Variants in RGS5 observed in about 807,000 individuals in gnomAD.
RGS5 encodes the protein regulator of G-protein signalling 5.
A neutral mutation model predicts 18.9 loss-of-function variants in RGS5; 20 were observed. That is an observed-to-expected ratio of 1.06 (90% confidence interval 0.74 to 1.54). The LOEUF is 1.54. Ranked by LOEUF, RGS5 falls within the 40% of genes most tolerant of loss-of-function variation. The pLI is 0.00. For synonymous variants in RGS5, 57 were observed against 76.2 expected (o/e 0.75, Z 1.31); for missense variants, 201 against 211.8 (o/e 0.95, Z 0.32).
chr1:163,209,067 G>A (rs1660036719), intron 1 of RGS5, among the ~76,000 whole-genome samples: 1 of 152,076 alleles, frequency 6.6e-6, no homozygotes, highest in Non-Finnish European at 1.5e-5. Flanking sequence ...GTCCAATTAA[G>A]TAGAAATATT....
intron 2 of RGS5, chr1:163,244,781 TTCA>T (rs1647884232): frequency 6.6e-6 from 1 of 152,150 alleles, no homozygotes. Flanking sequence ...CACAGAATCA[TTCA>T]GAAGGTTTAA....
intron 1 of RGS5, among the ~76,000 whole-genome samples, chr1:163,313,202 TA>T (rs1229327798): frequency 6.6e-6 from 1 of 152,202 alleles, no homozygotes; most frequent in African/African-American, 2.4e-5. Context: ...ATTATGTTAT[TA>T]TAAATTCCTC....
At chr1:163,318,464 T>C (rs982843329) in intron 1 of RGS5, among the ~76,000 whole-genome samples, 1 of 151,222 alleles carries the variant, frequency 6.6e-6, no homozygotes, top group African/African-American at 2.4e-5. Flanking sequence ...GAATTGGGAG[T>C]ACAAATGAAA....
intron 2 of RGS5, among the ~76,000 whole-genome samples, chr1:163,278,080 A>G (rs1211204534): frequency 6.6e-6 from 1 of 152,004 alleles, no homozygotes; most frequent in Non-Finnish European, 1.5e-5. Context: ...ATGGAAAAGG[A>G]CATAGAAAAC....
rs540023462 is a variant in RGS5 at position 163,188,626 on chromosome 1, A to G, written c.44+14166T>C. ...GTAAAACAGGATCCAGAGACACAGGAGGTTATTCCTGAGGGAAGAGGCAAC... is the reference window on the plus strand; with the variant it reads ...GTAAAACAGGATCCAGAGACACAGGGGGTTATTCCTGAGGGAAGAGGCAAC... On this transcript the variant is annotated intron_variant, in intron 1 of 4. Transcript: ENST00000313961. Among the ~76,000 whole-genome samples the G allele has an allele frequency of 9.2e-5, 14 of 152,264 alleles. No homozygotes were observed. The East Asian group carries it at 2.7e-3, about 29-fold the overall frequency.
intron 2 of RGS5, chr1:163,306,091 T>C (rs1649691036): frequency 6.6e-6 from 1 of 152,244 alleles, no homozygotes; most frequent in Non-Finnish European, 1.5e-5. Context: ...TACATTTTAA[T>C]CATTTCTACA....
intron 1 of RGS5, among the ~76,000 whole-genome samples, chr1:163,184,816 G>A (rs745986031): frequency 6.6e-6 from 1 of 152,140 alleles, no homozygotes; most frequent in Non-Finnish European, 1.5e-5. Context: ...AGAACCTCCA[G>A]GAGGAATGCA....
At chr1:163,201,787 C>T (rs1228334834) in intron 1 of RGS5, among the ~76,000 whole-genome samples, 1 of 152,100 alleles carries the variant, frequency 6.6e-6, no homozygotes, top group African/African-American at 2.4e-5. Flanking sequence ...GCCCTTTAAA[C>T]AATAAAATCT....
chr1:163,147,819 A>G (rs905297198), intron 4 of RGS5, among the ~76,000 whole-genome samples: 8 of 151,872 alleles, frequency 5.3e-5, no homozygotes, highest in Non-Finnish European at 7.4e-5. Context: ...TTATATGCAG[A>G]AGGTTAAGTG....
intron 1 of RGS5, among the ~76,000 whole-genome samples, chr1:163,187,956 C>T (rs939103846): frequency 6.6e-6 from 1 of 151,914 alleles, no homozygotes; most frequent in African/African-American, 2.4e-5. Context: ...TAGATAGTGC[C>T]GGAATTGAAC....
chr1:163,150,466 G>A (rs12060357), intron 4 of RGS5, among the ~76,000 whole-genome samples: 29,522 of 151,956 alleles, frequency 0.19, 4,520 homozygotes, highest in African/African-American at 0.43. Flanking sequence ...CCTTTGAAAT[G>A]GGGAAATACA....
At position 163,288,331 on chromosome 1, in the gene RGS5, T is replaced by C. The variant is rs142831607; in HGVS notation, c.-281+17902A>G. 7.0e-4 allele frequency among the ~76,000 whole-genome samples: 106 copies of C among 152,260 alleles called. 1 individual carries two copies. In the East Asian group the frequency reaches 0.019, roughly 27 times the overall value. ...AGAGTTTAAGACAAAGTTTTGACAA[T>C]GTGGTATACTGGAAAGAGCTCTGGA... On this transcript the variant is annotated intron_variant, in intron 2 of 5. Coordinates refer to the RGS5 transcript ENST00000618415.
chr1:163,288,443 A>G (rs1369090078), intron 2 of RGS5, among the ~76,000 whole-genome samples: 2 of 152,208 alleles, frequency 1.3e-5, no homozygotes. Flanking sequence ...ACATGCCCCT[A>G]TGATCAAATC....
intron 2 of RGS5, among the ~76,000 whole-genome samples, chr1:163,272,984 T>C (rs1404076870): frequency 2.0e-5 from 3 of 152,090 alleles, no homozygotes; most frequent in African/African-American, 7.2e-5. Flanking sequence ...CTTTTTTGAA[T>C]CATGAGGGGT....
chr1:163,304,731 T>C (rs1649649875), intron 2 of RGS5: 1 of 152,236 alleles, frequency 6.6e-6, no homozygotes, highest in South Asian at 2.1e-4. Flanking sequence ...AAGTGTTTTG[T>C]TAACTTGATT....
intron 1 of RGS5, among the ~76,000 whole-genome samples, chr1:163,310,320 CTCACG>C (rs1649819774): frequency 6.6e-6 from 1 of 152,170 alleles, no homozygotes; most frequent in Non-Finnish European, 1.5e-5. Flanking sequence ...GGTGCGGTGG[CTCACG>C]CCTGTAATCC....
chr1:163,314,513 C>G (rs1473095390), intron 1 of RGS5, among the ~76,000 whole-genome samples: 1 of 152,000 alleles, frequency 6.6e-6, no homozygotes, highest in Non-Finnish European at 1.5e-5. Flanking sequence ...GATAACATGG[C>G]ACCAGAACTG....
intron 2 of RGS5, among the ~76,000 whole-genome samples, chr1:163,285,478 G>A (rs1425919954): frequency 2.0e-5 from 3 of 151,982 alleles, no homozygotes; most frequent in Admixed American, 2.0e-4. Context: ...GAACCCTGGA[G>A]GTGGAGACTG....
At chr1:163,170,847 A>AT (rs1658267806) in intron 1 of RGS5, among the ~76,000 whole-genome samples, 1 of 152,200 alleles carries the variant, frequency 6.6e-6, no homozygotes, top group South Asian at 2.1e-4. Context: ...GGGAGCTTAT[A>AT]TAACATTGTG....
Sources: gnomAD v4.1 joint callset for allele counts (sites outside exome capture counted in the v4.1 genomes callset) on GRCh38, gnomAD v4.1.1 for gene constraint, MANE v1.5 for transcripts, NCBI Gene and HGNC (gene_info 2026-07-23, HGNC 2026-07-21) for gene names.